The following LRMDA variants were observed in gnomAD, a reference collection of about 807,000 sequenced individuals.
LRMDA encodes leucine rich melanocyte differentiation associated.
Under a neutral mutation model 29.8 loss-of-function variants are expected in LRMDA, and 18 were observed. The ratio of observed to expected loss-of-function variants is 0.60; its 90% CI spans 0.42 to 0.90. The LOEUF (loss-of-function observed/expected upper bound fraction) is 0.90. Ranked by LOEUF, LRMDA falls within the 40% of genes least tolerant of loss-of-function variation. LRMDA has a pLI of 0.00. For synonymous variants in LRMDA, 125 were observed against 109.4 expected (o/e 1.14, Z -0.89); for missense variants, 273 against 273.9 (o/e 1.00, Z 0.02).
chr10:76,088,232 C>G (rs542625284), intron 5 of LRMDA, among the ~76,000 whole-genome samples: 2 of 152,294 alleles, frequency 1.3e-5, no homozygotes, highest in South Asian at 4.1e-4. Context: ...GGCTGGGTGA[C>G]AGTCATGGTC....
intron 2 of LRMDA, among the ~76,000 whole-genome samples, chr10:75,547,240 A>C (rs916007600): frequency 1.3e-5 from 2 of 152,200 alleles, no homozygotes; most frequent in African/African-American, 4.8e-5. Flanking sequence ...TCTGTATAGC[A>C]TTACTGAGTA....
chr10:76,129,991 G>C (rs1375596257), intron 5 of LRMDA, among the ~76,000 whole-genome samples: 1 of 152,034 alleles, frequency 6.6e-6, no homozygotes, highest in Non-Finnish European at 1.5e-5. Context: ...CTTTATAAAG[G>C]CTATTATAAA....
intron 6 of LRMDA, chr10:76,346,689 A>C (rs1361869695): frequency 6.6e-6 from 1 of 152,170 alleles, no homozygotes; most frequent in Non-Finnish European, 1.5e-5. Flanking sequence ...TTGTGATCTC[A>C]TTTAATCCGG....
intron 6 of LRMDA, among the ~76,000 whole-genome samples, chr10:76,374,257 A>G (rs1353380271): frequency 6.6e-6 from 1 of 152,206 alleles, no homozygotes; most frequent in Non-Finnish European, 1.5e-5. Context: ...TTGTATCAAG[A>G]TAATGCCAGT....
intron 2 of LRMDA, among the ~76,000 whole-genome samples, chr10:75,720,752 C>T (rs1362650012): frequency 6.6e-6 from 1 of 152,202 alleles, no homozygotes; most frequent in Non-Finnish European, 1.5e-5. Flanking sequence ...CTAGAGTTGG[C>T]TCTCAAGATG....
intron 5 of LRMDA, among the ~76,000 whole-genome samples, chr10:76,285,217 A>G (rs951145941): frequency 6.6e-6 from 1 of 152,124 alleles, no homozygotes; most frequent in Non-Finnish European, 1.5e-5. Flanking sequence ...TAGTTGGCCA[A>G]TCTGTCTGGA....
At chr10:75,719,107 G>T (rs1452648380) in intron 2 of LRMDA, among the ~76,000 whole-genome samples, 1 of 152,204 alleles carries the variant, frequency 6.6e-6, no homozygotes, top group Non-Finnish European at 1.5e-5. Flanking sequence ...AGCAAACATT[G>T]CAAGATTGAC....
At chr10:76,170,580 A>C (rs752058547) in intron 5 of LRMDA, among the ~76,000 whole-genome samples, 8 of 152,232 alleles carry the variant, frequency 5.3e-5, no homozygotes, top group Non-Finnish European at 1.0e-4. Context: ...TACTGCTACC[A>C]ATTTTGGAGA....
intron 6 of LRMDA, among the ~76,000 whole-genome samples, chr10:76,393,731 T>C (rs1227880259): frequency 6.6e-6 from 1 of 152,204 alleles, no homozygotes; most frequent in Non-Finnish European, 1.5e-5. Context: ...CAAAAAGTCA[T>C]TGCCCAGACT....
intron 2 of LRMDA, among the ~76,000 whole-genome samples, chr10:75,582,304 C>T (rs1022695285): frequency 6.6e-6 from 1 of 152,226 alleles, no homozygotes; most frequent in African/African-American, 2.4e-5. Context: ...GCCTGGACAT[C>T]CAGGCTTTTG....
At chr10:76,363,175 AAGGAG>A (rs1564520658) in intron 6 of LRMDA, among the ~76,000 whole-genome samples, 4 of 26,192 alleles carry the variant, frequency 1.5e-4, no homozygotes, top group African/African-American at 7.4e-4. Flanking sequence ...GAAAGAAAGA[AAGGAG>A]GGAGGGAGGG....
At chr10:76,451,935 G>A (rs369719636) in intron 6 of LRMDA, among the ~76,000 whole-genome samples, 1 of 152,140 alleles carries the variant, frequency 6.6e-6, no homozygotes, top group Admixed American at 6.5e-5. Context: ...GGGATTACAG[G>A]CGTGAGCCAC....
chr10:75,494,407 AT>A (rs772290808), intron 2 of LRMDA, among the ~76,000 whole-genome samples: 2 of 150,686 alleles, frequency 1.3e-5, no homozygotes, highest in South Asian at 2.1e-4. Context: ...AAGAGATGTT[AT>A]TTATGTATTC....
chr10:75,857,359 A>G (rs1372433942), intron 2 of LRMDA, among the ~76,000 whole-genome samples: 1 of 152,178 alleles, frequency 6.6e-6, no homozygotes, highest in African/African-American at 2.4e-5. Context: ...TCACAAAAAG[A>G]GAGAGAAAAA....
intron 2 of LRMDA, among the ~76,000 whole-genome samples, chr10:75,812,218 A>C (rs1843976717): frequency 6.9e-6 from 1 of 145,078 alleles, no homozygotes; most frequent in Non-Finnish European, 1.5e-5. Context: ...TTGATGCTAT[A>C]GGATATTTTA....
intron 6 of LRMDA, among the ~76,000 whole-genome samples, chr10:76,372,614 A>AAAAAT (rs1486777104): frequency 1.1e-3 from 27 of 25,222 alleles, no homozygotes; most frequent in Admixed American, 4.0e-3. Context: ...ACTTCATCTC[A>AAAAAT]AAAATAAAAT....
Position 75,431,751 on chromosome 10 carries a change from T to C in LRMDA, c.27T>C (p.Thr9=), listed in dbSNP as rs1325822326. 6.5e-6 allele frequency: 9 copies of C among 1,374,626 alleles called. No homozygotes were observed. The highest frequency in any genetic ancestry group is 1.5e-5 in the African/African-American group (1 of 67,172). 85.2% of individuals were successfully genotyped at this position (1,374,626 alleles called of 1,614,324 possible). A position where few individuals can be genotyped will look rare whatever the true frequency, so the allele number is the denominator to read the frequency against. Reference sequence around the variant, plus strand: ...TGGCCGGGCTCGTGGTGCGTGGAACTCAAGTAAGTCCCGGCCAGCCCCGCC... The same window carrying C: ...TGGCCGGGCTCGTGGTGCGTGGAACCCAAGTAAGTCCCGGCCAGCCCCGCC... MAGLVVRG[T]QVSYIGQDCR... Residue 9 remains threonine (T), a synonymous_variant, in exon 1 of 7, where the codon ACT becomes ACC. Coordinates refer to ENST00000611255, the MANE Select transcript of LRMDA (RefSeq NM_001305581.2).
intron 2 of LRMDA, among the ~76,000 whole-genome samples, chr10:75,567,032 C>T (rs1840380973): frequency 6.6e-6 from 1 of 152,338 alleles, no homozygotes; most frequent in African/African-American, 2.4e-5. Flanking sequence ...CTAATTTTCT[C>T]ATTTACTATT....
chr10:76,127,940 T>C (rs185028409), intron 5 of LRMDA, among the ~76,000 whole-genome samples: 61 of 152,282 alleles, frequency 4.0e-4, no homozygotes, highest in African/African-American at 1.3e-3. Context: ...TACATATGAA[T>C]GTAGCATTTT....
Sources: allele counts gnomAD v4.1 joint callset (sites outside exome capture counted in the v4.1 genomes callset), GRCh38; gene constraint gnomAD v4.1.1; transcripts MANE v1.5; gene names NCBI Gene and HGNC (gene_info 2026-07-23, HGNC 2026-07-21).